MAN1A1: variants seen among roughly 807,000 people sequenced by gnomAD.
The protein encoded by MAN1A1 is mannosyl-oligosaccharide 1,2-alpha-mannosidase IA.
In MAN1A1, 29 loss-of-function variants were observed where a neutral mutation model predicts 70.8. The observed-to-expected ratio is 0.41, with a 90% CI of 0.31 to 0.56. The LOEUF (loss-of-function observed/expected upper bound fraction) is 0.56, where lower values mean the gene tolerates loss of function less well. MAN1A1 is among the 20% of genes least tolerant of loss of function. The probability of loss-of-function intolerance (pLI) is 0.29; values close to 1 mark genes in which losing one functional copy is unlikely to be tolerated. For missense variants in MAN1A1, 747 were observed against 841.3 expected, an observed-to-expected ratio of 0.89 and a Z score of 1.39; for synonymous variants, 349 against 330.1, an observed-to-expected ratio of 1.06 and a Z score of -0.62.
intron 2 of MAN1A1, among the ~76,000 whole-genome samples, chr6:119,325,920 TC>T (rs1399335973): frequency 6.6e-6 from 1 of 152,150 alleles, no homozygotes; most frequent in Non-Finnish European, 1.5e-5. Flanking sequence ...CAACCTAGCT[TC>T]TTTTGATTTG....
intron 5 of MAN1A1, among the ~76,000 whole-genome samples, chr6:119,268,128 A>C (rs962226180): frequency 6.6e-6 from 1 of 152,154 alleles, no homozygotes; most frequent in Non-Finnish European, 1.5e-5. Flanking sequence ...GAGTTGTAAA[A>C]ATGGTGATTT....
chr6:119,267,392 A>T, intron 5 of MAN1A1, among the ~76,000 whole-genome samples: 1 of 152,236 alleles, frequency 6.6e-6, no homozygotes, highest in Non-Finnish European at 1.5e-5. Flanking sequence ...ATACATCAAG[A>T]TAACTCAGTA....
At position 119,201,402 on chromosome 6, in the gene MAN1A1, ATTC is replaced by A. The variant is rs1053383756; in HGVS notation, c.1117-58_1117-56del. 2.2e-4 allele frequency: 247 copies of A among 1,140,410 alleles called. 2 individuals carry two copies. The East Asian group carries it at 2.9e-3, about 13-fold the overall frequency. The allele number at this position is 1,140,410 out of a possible 1,614,324, so 70.6% of individuals were successfully genotyped here. A position where few individuals can be genotyped will look rare whatever the true frequency, so the allele number is the denominator to read the frequency against. On this transcript the variant is annotated intron_variant, in intron 7 of 12. Coordinates refer to ENST00000368468, the MANE Select transcript of MAN1A1 (RefSeq NM_005907.4). ...AAATCTAAAAAACAATTTTCATGCC[ATTC>A]TTCTTCTTCTTGAACATACAAGTTG... is the stretch of plus-strand genomic sequence containing the variant.
chr6:119,248,729 T>A (rs1334818438), intron 5 of MAN1A1, among the ~76,000 whole-genome samples: 2 of 152,154 alleles, frequency 1.3e-5, no homozygotes, highest in Non-Finnish European at 2.9e-5. Context: ...GGAGAACCAC[T>A]GTTGTTGGAG....
chr6:119,243,463 T>A (rs2114312427), intron 6 of MAN1A1, among the ~76,000 whole-genome samples: 1 of 152,202 alleles, frequency 6.6e-6, no homozygotes, highest in East Asian at 1.9e-4. Flanking sequence ...ATATTTAACC[T>A]ATCAGATCAT....
intron 5 of MAN1A1, among the ~76,000 whole-genome samples, chr6:119,281,640 G>A (rs181320658): frequency 7.2e-5 from 11 of 152,324 alleles, no homozygotes; most frequent in African/African-American, 2.6e-4. Flanking sequence ...TTAATCCACT[G>A]AGATTTCAGG....
intron 6 of MAN1A1, among the ~76,000 whole-genome samples, chr6:119,221,686 C>A (rs533042428): frequency 6.6e-6 from 1 of 152,184 alleles, no homozygotes; most frequent in African/African-American, 2.4e-5. Context: ...CTCCTGACCT[C>A]AAGTAATCTA....
At chr6:119,341,665 G>A (rs145515939) in intron 2 of MAN1A1, among the ~76,000 whole-genome samples, 100 of 152,306 alleles carry the variant, frequency 6.6e-4, no homozygotes, top group African/African-American at 2.2e-3. Context: ...GTGATGGACT[G>A]AGCTCTGATT....
At chr6:119,311,854 G>T (rs1328264475) in intron 2 of MAN1A1, among the ~76,000 whole-genome samples, 2 of 152,162 alleles carry the variant, frequency 1.3e-5, no homozygotes, top group Non-Finnish European at 1.5e-5. Flanking sequence ...GCCAACAGAT[G>T]CTAGGTAAGG....
chr6:119,300,549 C>T (rs1157777689), intron 4 of MAN1A1, among the ~76,000 whole-genome samples: 1 of 152,018 alleles, frequency 6.6e-6, no homozygotes, highest in African/African-American at 2.4e-5. Context: ...CCACCACGCC[C>T]GGTCCACAGA....
chr6:119,191,479 A>G (rs1416674716), intron 9 of MAN1A1, among the ~76,000 whole-genome samples: 2 of 152,214 alleles, frequency 1.3e-5, no homozygotes, highest in African/African-American at 4.8e-5. Flanking sequence ...ATATAAATAA[A>G]TACAAAGAAG....
chr6:119,265,133 C>T (rs977124707), intron 5 of MAN1A1, among the ~76,000 whole-genome samples: 1 of 149,362 alleles, frequency 6.7e-6, no homozygotes, highest in Non-Finnish European at 1.5e-5. Flanking sequence ...CAAGGTCTCA[C>T]TCTGTCACCC....
chr6:119,197,802 G>T (rs927270185), intron 8 of MAN1A1, among the ~76,000 whole-genome samples: 119 of 148,778 alleles, frequency 8.0e-4, no homozygotes, highest in African/African-American at 2.9e-3. Context: ...TTTGTTTTTT[G>T]TTTTTTTTTT....
intron 5 of MAN1A1, among the ~76,000 whole-genome samples, chr6:119,278,980 A>G (rs1169393140): frequency 6.6e-6 from 1 of 152,054 alleles, no homozygotes; most frequent in African/African-American, 2.4e-5. Flanking sequence ...TCTTCTTTAT[A>G]AATTACCCAG....
chr6:119,275,463 C>G (rs1286580975), intron 5 of MAN1A1, among the ~76,000 whole-genome samples: 1 of 147,452 alleles, frequency 6.8e-6, no homozygotes, highest in Non-Finnish European at 1.5e-5. Context: ...CCCGCCACTA[C>G]GCCCGGCTAA....
At chr6:119,283,126 G>T (rs1024720922) in intron 5 of MAN1A1, among the ~76,000 whole-genome samples, 3 of 152,154 alleles carry the variant, frequency 2.0e-5, no homozygotes, top group Non-Finnish European at 4.4e-5. Flanking sequence ...GGGGGTTGAA[G>T]GTGGAGCCAC....
Position 119,348,897 on chromosome 6 carries a change from C to G in MAN1A1, c.169G>C (p.Gly57Arg), listed in dbSNP as rs1239001971. Residue 57 changes from glycine (G) to arginine (R), a missense_variant, in exon 2 of 13, where the codon GGG becomes CGG. Around this residue, in one of 2 missense-constraint regions of MAN1A1, gnomAD observed 328 missense variants for 293.1 expected, o/e 1.12. Transcript: ENST00000368468. ...GAGTCTGGCAGGAAGAAGATCGCCC[C>G]GAAGCAGAGCGTGATGAAGGCGCTG... ...VFSAFITLCF[G>R]AIFFLPDSSK... 6.5e-7 allele frequency: 1 copy of G among 1,536,640 alleles called. No homozygotes were observed. Among genetic ancestry groups the G allele is most frequent in the Non-Finnish European group, 8.7e-7 (1 of 1,142,974 alleles).
chr6:119,211,506 A>G (rs909845447), intron 6 of MAN1A1, among the ~76,000 whole-genome samples: 18 of 152,214 alleles, frequency 1.2e-4, no homozygotes, highest in Non-Finnish European at 1.5e-4. Flanking sequence ...GCAAAAACAA[A>G]GAGGTTGTGT....
intron 2 of MAN1A1, among the ~76,000 whole-genome samples, chr6:119,341,064 TCTAAAGTAC>T (rs1405108086): frequency 1.3e-5 from 2 of 152,226 alleles, no homozygotes; most frequent in African/African-American, 2.4e-5. Context: ...ACTGCTCAGC[TCTAAAGTAC>T]CTAAAGCAAC....
Sources: gnomAD v4.1 joint callset for allele counts (sites outside exome capture counted in the v4.1 genomes callset) on GRCh38, gnomAD v4.1.1 for gene constraint, gnomAD v4.1.1 regional missense constraint, MANE v1.5 for transcripts, NCBI Gene and HGNC (gene_info 2026-07-23, HGNC 2026-07-21) for gene names.